The following AMZ1 variants were observed in gnomAD, a reference collection of about 807,000 sequenced individuals.
AMZ1 encodes archaemetzincin-1.
Under a neutral mutation model 29.9 loss-of-function variants are expected in AMZ1, and 39 were observed. That is an observed-to-expected ratio of 1.30 (90% confidence interval 1.01 to 1.70). The LOEUF (loss-of-function observed/expected upper bound fraction) is 1.70, where lower values mean the gene tolerates loss of function less well. AMZ1 is among the 40% of genes most tolerant of loss of function. AMZ1 has a pLI of 0.00. For missense variants in AMZ1, 1,041 were observed against 680.6 expected, an observed-to-expected ratio of 1.53 and a Z score of -5.89; for synonymous variants, 458 against 304.0, an observed-to-expected ratio of 1.51 and a Z score of -5.27.
At chr7:2,762,734 C>T (rs1791622512), upstream of AMZ1, 1 of 1,556,430 alleles carries the variant, frequency 6.4e-7, no homozygotes, top group Non-Finnish European at 8.7e-7. Flanking sequence ...CCCATGTCCT[C>T]CCTCCCGCAG....
chr7:2,721,796 G>A (rs182873805), downstream of AMZ1, among the ~76,000 whole-genome samples: 393 of 151,962 alleles, frequency 2.6e-3, no homozygotes, highest in African/African-American at 9.0e-3. Context: ...GGGAGGCAGG[G>A]ACATAACACG....
At chr7:2,682,532 G>C (rs1470099677) in intron 1 of AMZ1, among the ~76,000 whole-genome samples, 1 of 152,158 alleles carries the variant, frequency 6.6e-6, no homozygotes, top group African/African-American at 2.4e-5. Flanking sequence ...ACTGTACTCT[G>C]TGCTAGGACA....
chr7:2,728,154 G>A (rs1365167378), intron 4 of AMZ1: 1 of 152,198 alleles, frequency 6.6e-6, no homozygotes, highest in Non-Finnish European at 1.5e-5. Context: ...AACATTCAGA[G>A]GCTGAGGGTG....
intron 3 of AMZ1, among the ~76,000 whole-genome samples, chr7:2,705,158 C>T (rs138229833): frequency 2.6e-4 from 40 of 152,260 alleles, no homozygotes; most frequent in African/African-American, 7.5e-4. Context: ...TGTTTTTCAC[C>T]ATAGAGGATT....
At chr7:2,744,719 C>A (rs944058032) in intron 4 of AMZ1, among the ~76,000 whole-genome samples, 2 of 152,112 alleles carry the variant, frequency 1.3e-5, no homozygotes, top group Non-Finnish European at 2.9e-5. Flanking sequence ...TCAAACTACT[C>A]TGAGCTACAG....
chr7:2,679,986 G>C (rs775625793), intron 1 of AMZ1, among the ~76,000 whole-genome samples: 1 of 152,228 alleles, frequency 6.6e-6, no homozygotes, highest in Non-Finnish European at 1.5e-5. Flanking sequence ...GGCTGGGGCA[G>C]ACAGAGCTGA....
downstream of AMZ1, among the ~76,000 whole-genome samples, chr7:2,724,216 G>T (rs901576050): frequency 6.6e-6 from 1 of 152,190 alleles, no homozygotes; most frequent in Non-Finnish European, 1.5e-5. Flanking sequence ...ACTGCGCCCG[G>T]CCACTTCTGG....
rs1016959261 is a variant in AMZ1 at position 2,731,848 on chromosome 7, T to A, written n.550+22032T>A. On this transcript the variant is annotated intron_variant and non_coding_transcript_variant, in intron 4 of 4. Transcript: ENST00000489665. This position sits in a 1 kb window ranked among gnomAD's most constrained non-coding sequence, Gnocchi z 6.0. ...GCAAAAAGATAAGAAGGAAAGAGAC[T>A]GACTTTTGCAACAGGTTGAACCAGA... The A allele has an allele frequency of 1.6e-5, 10 of 624,692 alleles. No homozygotes were observed. The highest frequency in any genetic ancestry group is 1.5e-4 in the African/African-American group (8 of 55,072). The allele number at this position is 624,692 out of a possible 1,614,324, so 38.7% of individuals were successfully genotyped here. A position where few individuals can be genotyped will look rare whatever the true frequency, so the allele number is the denominator to read the frequency against.
intron 1 of AMZ1, among the ~76,000 whole-genome samples, chr7:2,697,071 C>T (rs1448623619): frequency 6.6e-6 from 1 of 152,082 alleles, no homozygotes; most frequent in South Asian, 2.1e-4. Flanking sequence ...TTCATTACGG[C>T]GTTTTTGGGC....
rs892374296 is a variant in AMZ1, at chr7:2,718,178, A to G, written c.*5300A>G. On this transcript the variant is annotated 3_prime_UTR_variant, in exon 7 of 7. Transcript: ENST00000683327. ...GCTTTTTAATGAACGCACTTCTGTC[A>G]CATGGAAACTGAGCCCGGCATGGAG... is the stretch of plus-strand genomic sequence containing the variant. Among the ~76,000 whole-genome samples, 13 of 152,312 alleles carry G rather than the reference A, an allele frequency of 8.5e-5. No homozygotes were observed. Among genetic ancestry groups the G allele is most frequent in the African/African-American group, 3.1e-4 (13 of 41,576 alleles).
Position 2,719,587 on chromosome 7 carries a change from C to T in AMZ1, c.*6709C>T, listed in dbSNP as rs982791624. 5.9e-5 allele frequency among the ~76,000 whole-genome samples: 9 copies of T among 152,268 alleles called. No individual in the cohort carries two copies. The highest frequency in any genetic ancestry group is 2.1e-4 in the South Asian group (1 of 4,822). On this transcript the variant is annotated 3_prime_UTR_variant, in exon 7 of 7. Transcript: ENST00000683327. ...ATTTTATACTGCAATGACTGATGGACGACTTTGATATACAAAATAAATTGT... is the reference window on the plus strand; with the variant it reads ...ATTTTATACTGCAATGACTGATGGATGACTTTGATATACAAAATAAATTGT...
At chr7:2,708,243 T>A (rs1344962499) in intron 3 of AMZ1, among the ~76,000 whole-genome samples, 1 of 152,206 alleles carries the variant, frequency 6.6e-6, no homozygotes, top group Non-Finnish European at 1.5e-5. Context: ...GTCCCAGGGC[T>A]GAGACGTGGA....
chr7:2,692,040 G>C (rs1053237684), intron 1 of AMZ1, among the ~76,000 whole-genome samples: 2 of 152,252 alleles, frequency 1.3e-5, no homozygotes, highest in Non-Finnish European at 2.9e-5. Flanking sequence ...GTGCTGGTGA[G>C]TGGAAGGTCT....
intron 6 of AMZ1, among the ~76,000 whole-genome samples, chr7:2,711,469 G>A (rs970251180): frequency 6.6e-6 from 1 of 152,240 alleles, no homozygotes; most frequent in East Asian, 1.9e-4. Context: ...GATGTGCAGT[G>A]GGACCTTGTT....
chr7:2,732,474 A>T (rs568989179), intron 4 of AMZ1, among the ~76,000 whole-genome samples: 1 of 152,264 alleles, frequency 6.6e-6, no homozygotes, highest in African/African-American at 2.4e-5. Flanking sequence ...TGAACCTAGG[A>T]GGTTGAGGCT....
intron 1 of AMZ1, among the ~76,000 whole-genome samples, chr7:2,692,229 A>G (rs1017232775): frequency 1.3e-5 from 2 of 152,072 alleles, no homozygotes; most frequent in Non-Finnish European, 2.9e-5. Context: ...CACAGGGAGG[A>G]CACAGTGGGG....
At chr7:2,760,835 T>C (rs897652935), upstream of AMZ1, among the ~76,000 whole-genome samples, 3 of 152,230 alleles carry the variant, frequency 2.0e-5, no homozygotes, top group East Asian at 1.9e-4. Context: ...GGTTAGCTTG[T>C]CTGCAAGAGG....
intron 4 of AMZ1, among the ~76,000 whole-genome samples, chr7:2,735,531 G>A (rs917182940): frequency 6.6e-6 from 1 of 152,162 alleles, no homozygotes; most frequent in African/African-American, 2.4e-5. Context: ...CAAGCTCGAT[G>A]GGAAGCAGAA....
intron 4 of AMZ1, among the ~76,000 whole-genome samples, chr7:2,724,854 G>T (rs1350537370): frequency 6.6e-6 from 1 of 152,168 alleles, no homozygotes; most frequent in African/African-American, 2.4e-5. Context: ...ACAATGTCCG[G>T]GAAGGATTTC....
Sources: allele counts gnomAD v4.1 joint callset (sites outside exome capture counted in the v4.1 genomes callset), GRCh38; gene constraint gnomAD v4.1.1; non-coding constraint Gnocchi (gnomAD v3.1); transcripts MANE v1.5; gene names NCBI Gene and HGNC (gene_info 2026-07-23, HGNC 2026-07-21).